Variants in DLGAP1 observed in about 807,000 individuals in gnomAD.
The protein encoded by DLGAP1 is disks large-associated protein 1.
A neutral mutation model predicts 90.8 loss-of-function variants in DLGAP1; 11 were observed. The observed-to-expected ratio is 0.12, with a 90% CI of 0.08 to 0.20. The LOEUF is 0.20. DLGAP1 is among the 10% of genes least tolerant of loss of function. DLGAP1 has a pLI of 1.00. For missense variants in DLGAP1, 1,050 were observed against 1,333.8 expected (o/e 0.79, Z 3.31); for synonymous variants, 558 against 540.7 (o/e 1.03, Z -0.44).
chr18:4,281,739 C>A (rs534290955), intron 1 of DLGAP1, among the ~76,000 whole-genome samples: 63 of 152,258 alleles, frequency 4.1e-4, no homozygotes, highest in Middle Eastern at 3.4e-3. Flanking sequence ...AAGTTAAGCT[C>A]ATTTCTTAAT....
intron 1 of DLGAP1, among the ~76,000 whole-genome samples, chr18:4,431,402 A>T (rs535789704): frequency 3.9e-5 from 6 of 152,220 alleles, no homozygotes; most frequent in Non-Finnish European, 7.3e-5. Context: ...TTATCCTACA[A>T]AGATTTTATA....
intron 1 of DLGAP1, among the ~76,000 whole-genome samples, chr18:4,453,585 G>A (rs1426767532): frequency 1.3e-5 from 2 of 152,104 alleles, no homozygotes; most frequent in Admixed American, 6.5e-5. Flanking sequence ...TAATTTGCAG[G>A]ATGTTTGCCT....
chr18:4,217,819 T>C (rs1258269979), intron 1 of DLGAP1, among the ~76,000 whole-genome samples: 2 of 152,132 alleles, frequency 1.3e-5, no homozygotes, highest in Non-Finnish European at 2.9e-5. Flanking sequence ...GTCTTTCTAT[T>C]ATCTTTATTG....
At chr18:4,237,816 T>C (rs1228566215) in intron 1 of DLGAP1, among the ~76,000 whole-genome samples, 1 of 152,216 alleles carries the variant, frequency 6.6e-6, no homozygotes, top group African/African-American at 2.4e-5. Context: ...AATCACTTTG[T>C]AATTATTTCA....
chr18:3,649,283 C>T (rs915223209), intron 7 of DLGAP1, among the ~76,000 whole-genome samples: 5 of 152,318 alleles, frequency 3.3e-5, no homozygotes, highest in East Asian at 1.9e-4. Context: ...TCATCTGAAT[C>T]GAACACTCCA....
intron 1 of DLGAP1, among the ~76,000 whole-genome samples, chr18:4,390,852 A>C (rs1009184811): frequency 6.6e-6 from 1 of 152,136 alleles, no homozygotes; most frequent in Non-Finnish European, 1.5e-5. Context: ...TGAGATCTTT[A>C]ACACTGTTTT....
At chr18:4,105,894 T>C (rs563101804) in intron 2 of DLGAP1, among the ~76,000 whole-genome samples, 9 of 151,640 alleles carry the variant, frequency 5.9e-5, no homozygotes, top group African/African-American at 7.3e-5. Flanking sequence ...TAGCCGGGCG[T>C]GGTGGCGGGC....
At chr18:4,268,745 A>C (rs1002639587) in intron 1 of DLGAP1, among the ~76,000 whole-genome samples, 1 of 152,186 alleles carries the variant, frequency 6.6e-6, no homozygotes, top group Non-Finnish European at 1.5e-5. Context: ...CCATAAATAC[A>C]TATTCTTACT....
chr18:4,198,309 T>C (rs1291713556), intron 1 of DLGAP1, among the ~76,000 whole-genome samples: 4 of 152,202 alleles, frequency 2.6e-5, no homozygotes, highest in African/African-American at 9.6e-5. Flanking sequence ...CATGGCCTAT[T>C]TGAGATTTAT....
chr18:4,083,942 C>T (rs182252877), intron 2 of DLGAP1, among the ~76,000 whole-genome samples: 3 of 152,084 alleles, frequency 2.0e-5, no homozygotes, highest in Non-Finnish European at 2.9e-5. Flanking sequence ...TTCTGTTTCC[C>T]GGGGTTCTTG....
intron 3 of DLGAP1, among the ~76,000 whole-genome samples, chr18:3,963,248 C>T (rs1382734108): frequency 1.4e-5 from 2 of 142,880 alleles, no homozygotes; most frequent in African/African-American, 5.3e-5. Context: ...GGGCCAGTTC[C>T]AGCTCCAAAG....
At chr18:3,881,520 C>T (rs576010274) in intron 3 of DLGAP1, among the ~76,000 whole-genome samples, 31 of 152,190 alleles carry the variant, frequency 2.0e-4, no homozygotes, top group African/African-American at 7.0e-4. Flanking sequence ...TCCTTGCCTC[C>T]CAGTCTATTA....
intron 6 of DLGAP1, among the ~76,000 whole-genome samples, chr18:3,739,962 T>C (rs541966119): frequency 4.3e-4 from 65 of 152,268 alleles, no homozygotes; most frequent in Admixed American, 1.8e-3. Context: ...TGTGCAATGA[T>C]TTGTTGGTAT....
intron 5 of DLGAP1, among the ~76,000 whole-genome samples, chr18:3,748,533 G>A (rs1340989683): frequency 6.6e-6 from 1 of 152,132 alleles, no homozygotes; most frequent in Non-Finnish European, 1.5e-5. Context: ...TCATTTTCAC[G>A]TTGTCTTCTC....
chr18:3,616,054 A>C (rs148924843), intron 7 of DLGAP1, among the ~76,000 whole-genome samples: 236 of 152,310 alleles, frequency 1.5e-3, no homozygotes, highest in African/African-American at 5.6e-3. Flanking sequence ...GAGAAATGAA[A>C]TTGTATACTT....
intron 1 of DLGAP1, among the ~76,000 whole-genome samples, chr18:4,370,183 A>T (rs2081885302): frequency 6.6e-6 from 1 of 152,204 alleles, no homozygotes; most frequent in Non-Finnish European, 1.5e-5. Context: ...ATTGGATGAG[A>T]GGGAGAAGCA....
chr18:3,659,069 C>T (rs1567913463), intron 7 of DLGAP1, among the ~76,000 whole-genome samples: 1 of 151,510 alleles, frequency 6.6e-6, no homozygotes. Context: ...TATTTTTAAA[C>T]CCCAAGTCAA....
At chr18:4,430,222 T>A (rs552183064) in intron 1 of DLGAP1, among the ~76,000 whole-genome samples, 1 of 152,348 alleles carries the variant, frequency 6.6e-6, no homozygotes, top group African/African-American at 2.4e-5. Context: ...AGTTGTTATG[T>A]CTTCTATCAT....
intron 1 of DLGAP1, among the ~76,000 whole-genome samples, chr18:4,413,511 C>T (rs1008513202): frequency 6.6e-6 from 1 of 152,168 alleles, no homozygotes; most frequent in African/African-American, 2.4e-5. Context: ...ACCTCCCTCC[C>T]CTACTCCCTT....
Sources: allele counts gnomAD v4.1 joint callset (sites outside exome capture counted in the v4.1 genomes callset), GRCh38; gene constraint gnomAD v4.1.1; transcripts MANE v1.5; gene names NCBI Gene and HGNC (gene_info 2026-07-23, HGNC 2026-07-21).